Variants in AK6 observed in about 807,000 individuals in gnomAD.
AK6 encodes adenylate kinase isoenzyme 6.
Under a neutral mutation model 23.7 loss-of-function variants are expected in AK6, and 24 were observed. The observed-to-expected ratio is 1.01, with a 90% CI of 0.73 to 1.43. The LOEUF (loss-of-function observed/expected upper bound fraction) is 1.43. Among genes scored for constraint, AK6 ranks in the 40% most tolerant of loss-of-function variants. The pLI is 0.00. For missense variants in AK6, 191 were observed against 199.1 expected (o/e 0.96, Z 0.24); for synonymous variants, 73 against 69.8 (o/e 1.05, Z -0.23).
In AK6 at chr5:69,369,520, C is replaced by A. The variant is rs200902755; in HGVS notation, c.-30G>T. The A allele has an allele frequency of 7.6e-4, 1,223 of 1,611,138 alleles. 14 individuals carry two copies. In the South Asian group the frequency reaches 0.012, roughly 16 times the overall value. ...CCCGCCGCGACGGCTTCGGGCGCCT[C>A]GCTCACGTGCCCTTTGCTCTACAGG... On this transcript the variant is annotated 5_prime_UTR_variant, in exon 1 of 5. Coordinates refer to ENST00000380822, the MANE Select transcript of AK6 (RefSeq NM_016283.5).
At chr5:69,363,728 G>A (rs1189322718) in intron 2 of AK6, among the ~76,000 whole-genome samples, 1 of 151,730 alleles carries the variant, frequency 6.6e-6, no homozygotes, top group East Asian at 1.9e-4. Context: ...AGCTTGCAGT[G>A]AGCCGAGATT....
At chr5:69,357,034 C>A (rs966754086) in intron 2 of AK6, among the ~76,000 whole-genome samples, 1 of 152,170 alleles carries the variant, frequency 6.6e-6, no homozygotes, top group African/African-American at 2.4e-5. Context: ...TTAACCATCT[C>A]TGAGAGCATG....
chr5:69,359,976 C>T (rs1201445933), intron 2 of AK6, among the ~76,000 whole-genome samples: 1 of 152,078 alleles, frequency 6.6e-6, no homozygotes, highest in Non-Finnish European at 1.5e-5. Context: ...GATAAGGAAA[C>T]CTATAAAGAG....
At chr5:69,354,599 A>T in intron 4 of AK6, among the ~76,000 whole-genome samples, 1 of 152,170 alleles carries the variant, frequency 6.6e-6, no homozygotes, top group Non-Finnish European at 1.5e-5. Flanking sequence ...GTTTCTCTTT[A>T]CTGGTTCTTC....
chr5:69,354,462 T>C (rs553276246), intron 4 of AK6, among the ~76,000 whole-genome samples: 29 of 152,228 alleles, frequency 1.9e-4, no homozygotes, highest in African/African-American at 7.0e-4. Context: ...AAACCACACA[T>C]TCTGACCCCG....
At chr5:69,369,391 G>T in intron 1 of AK6, 72 bp downstream of exon 1, 1 of 1,554,140 alleles carries the variant, frequency 6.4e-7, no homozygotes. Flanking sequence ...CCCCACCTGG[G>T]CGCCCGATGC....
intron 1 of AK6, chr5:69,369,238 C>CCCCCCCCCCCCCCCCA: frequency 6.4e-6 from 1 of 156,870 alleles, no homozygotes; most frequent in Non-Finnish European, 1.3e-5. Flanking sequence ...CCCCCCCCGC[C>CCCCCCCCCCCCCCCCA]CCCCCCCGGA....
intron 2 of AK6, among the ~76,000 whole-genome samples, chr5:69,363,975 C>A (rs1477647364): frequency 6.6e-6 from 1 of 152,004 alleles, no homozygotes; most frequent in African/African-American, 2.4e-5. Context: ...GTAATTCCAG[C>A]TACTTGGGAG....
chr5:69,367,362 T>G (rs1238482467), intron 1 of AK6, among the ~76,000 whole-genome samples: 1 of 151,406 alleles, frequency 6.6e-6, no homozygotes, highest in Non-Finnish European at 1.5e-5. Context: ...ATACAAAAAT[T>G]AGCCGGGCGT....
chr5:69,367,418 G>A (rs1020232263), intron 1 of AK6, among the ~76,000 whole-genome samples: 7 of 149,738 alleles, frequency 4.7e-5, no homozygotes, highest in Non-Finnish European at 8.9e-5. Context: ...GCTGAGGCAG[G>A]AGAATCCCTT....
intron 2 of AK6, among the ~76,000 whole-genome samples, chr5:69,359,331 G>A (rs1285306842): frequency 5.3e-5 from 8 of 151,746 alleles, no homozygotes; most frequent in South Asian, 4.1e-4. Flanking sequence ...TGCAACCTCC[G>A]TCTCCTGGGT....
chr5:69,365,806 C>G, intron 2 of AK6: 1 of 1,297,908 alleles, frequency 7.7e-7, no homozygotes, highest in Non-Finnish European at 1.0e-6. Context: ...GAAATAGTTA[C>G]TTTAGTAGCA....
intron 1 of AK6, chr5:69,369,236 GC>G (rs35387047): frequency 0.41 from 48,944 of 120,514 alleles, 6,698 homozygotes; most frequent in Middle Eastern, 0.5. Context: ...ACCCCCCCCC[GC>G]CCCCCCCCGG....
chr5:69,360,331 G>T (rs1263759010), intron 2 of AK6, among the ~76,000 whole-genome samples: 2 of 152,138 alleles, frequency 1.3e-5, no homozygotes, highest in African/African-American at 4.8e-5. Flanking sequence ...AAGATTTAAA[G>T]GCCAAGTGGA....
chr5:69,355,999 T>C (rs777452936), intron 2 of AK6, 46 bp from the exon 3 acceptor site: 1 of 1,493,940 alleles, frequency 6.7e-7, no homozygotes, highest in South Asian at 1.2e-5. Flanking sequence ...TCTAAGTAAC[T>C]TTAAGTAATT....
intron 2 of AK6, among the ~76,000 whole-genome samples, chr5:69,360,464 A>G: frequency 6.6e-6 from 1 of 152,174 alleles, no homozygotes; most frequent in Non-Finnish European, 1.5e-5. Flanking sequence ...AGAGCTGTAA[A>G]CATCTGGGAA....
intron 2 of AK6, chr5:69,365,567 A>G (rs766123967): frequency 1.7e-5 from 28 of 1,614,082 alleles, no homozygotes; most frequent in Non-Finnish European, 2.2e-5. Context: ...CATGGCTTGA[A>G]TAAATTTTTG....
chr5:69,352,377 C>G, intron 4 of AK6, 124 bp from the exon 5 acceptor site: 1 of 700,520 alleles, frequency 1.4e-6, no homozygotes, highest in Non-Finnish European at 2.4e-6. Context: ...GTCTCTTCAC[C>G]TAGAGAGGAG....
intron 4 of AK6, among the ~76,000 whole-genome samples, chr5:69,352,478 C>T (rs896720109): frequency 1.3e-5 from 2 of 151,662 alleles, no homozygotes; most frequent in Non-Finnish European, 2.9e-5. Flanking sequence ...TTGAATTTCC[C>T]CCCCCCACAA....
Sources: gnomAD v4.1 joint callset for allele counts (sites outside exome capture counted in the v4.1 genomes callset) on GRCh38, gnomAD v4.1.1 for gene constraint, MANE v1.5 for transcripts, NCBI Gene and HGNC (gene_info 2026-07-23, HGNC 2026-07-21) for gene names.